The following CSGALNACT1 variants were observed in gnomAD, a reference collection of about 807,000 sequenced individuals.
CSGALNACT1 encodes the protein beta4GalNAcT-1.
CSGALNACT1 carries 52 observed loss-of-function variants against 51.0 expected under a neutral mutation model. That is an observed-to-expected ratio of 1.02 (90% CI 0.82 to 1.29). The LOEUF (loss-of-function observed/expected upper bound fraction) is 1.29, where lower values mean the gene tolerates loss of function less well. Ranked by LOEUF, CSGALNACT1 falls within the 50% of genes most tolerant of loss-of-function variation. CSGALNACT1 has a pLI of 0.00. For synonymous variants in CSGALNACT1, 341 were observed against 254.4 expected (o/e 1.34, Z -3.24); for missense variants, 935 against 679.2 (o/e 1.38, Z -4.19).
In CSGALNACT1 at chr8:19,505,223, G is replaced by T; in HGVS notation, c.612C>A (p.Tyr204Ter). The change falls in exon 4 of 10, where the codon TAC becomes TAA. Residue 204 changes from tyrosine (Y) to a stop codon, truncating the protein, a stop_gained. Transcript: ENST00000454498. LOFTEE classifies it high-confidence loss of function. ...AACCTTCTATGAAATCAGAGGCCGT[G>T]TAAGGACGGTGATTGGGGCTGTTCT... is the stretch of plus-strand genomic sequence containing the variant. The T allele has an allele frequency of 6.2e-7, 1 of 1,614,150 alleles. No homozygotes were observed. Among genetic ancestry groups the T allele is most frequent in the Non-Finnish European group, 8.5e-7 (1 of 1,180,026 alleles).
intron 1 of CSGALNACT1, among the ~76,000 whole-genome samples, chr8:19,649,081 TTC>T (rs1482158161): frequency 6.6e-6 from 1 of 152,230 alleles, no homozygotes; most frequent in Non-Finnish European, 1.5e-5. Context: ...GCCTACTGTA[TTC>T]TGTGTGCCAA....
intron 4 of CSGALNACT1, among the ~76,000 whole-genome samples, chr8:19,501,300 G>A (rs80269556): frequency 0.044 from 6,307 of 144,238 alleles, 165 homozygotes; most frequent in Middle Eastern, 0.08. Flanking sequence ...ATGCTACACA[G>A]AACCTCTCTT....
intron 4 of CSGALNACT1, among the ~76,000 whole-genome samples, chr8:19,478,779 G>C (rs1341508011): frequency 6.6e-6 from 1 of 152,156 alleles, no homozygotes; most frequent in Non-Finnish European, 1.5e-5. Context: ...TGTTGCCAAA[G>C]CCTAATGTGA....
At chr8:19,686,277 C>T (rs17481221), upstream of CSGALNACT1, among the ~76,000 whole-genome samples, 15,261 of 152,070 alleles carry the variant, frequency 0.1, 899 homozygotes, top group Non-Finnish European at 0.12. Flanking sequence ...TTGATAACAA[C>T]GGATGGACTG....
intron 3 of CSGALNACT1, among the ~76,000 whole-genome samples, chr8:19,547,190 T>G (rs1360122318): frequency 6.6e-6 from 1 of 152,142 alleles, no homozygotes; most frequent in East Asian, 1.9e-4. Context: ...CAGTGTTTTG[T>G]TAAAAGTCTG....
At chr8:19,412,277 C>G (rs933787296) in intron 8 of CSGALNACT1, among the ~76,000 whole-genome samples, 19 of 152,356 alleles carry the variant, frequency 1.2e-4, no homozygotes, top group East Asian at 3.9e-4. Flanking sequence ...CAGCCCTGCT[C>G]TCTCACAGGA....
intron 4 of CSGALNACT1, among the ~76,000 whole-genome samples, chr8:19,495,725 G>A (rs2153973916): frequency 6.6e-6 from 1 of 152,342 alleles, no homozygotes; most frequent in South Asian, 2.1e-4. Flanking sequence ...AAGAGAATGT[G>A]TAGCCTCCTC....
At chr8:19,635,300 T>G (rs1388501540) in intron 1 of CSGALNACT1, among the ~76,000 whole-genome samples, 1 of 152,308 alleles carries the variant, frequency 6.6e-6, no homozygotes, top group Middle Eastern at 3.4e-3. Flanking sequence ...AGGGATGTGT[T>G]TGAGCTGCTT....
chr8:19,513,511 C>T (rs1295483557), intron 3 of CSGALNACT1, among the ~76,000 whole-genome samples: 3 of 148,004 alleles, frequency 2.0e-5, no homozygotes, highest in Non-Finnish European at 3.0e-5. Context: ...ATACAACCAA[C>T]ACCTACAACT....
chr8:19,630,614 C>T (rs1051329787), intron 1 of CSGALNACT1, among the ~76,000 whole-genome samples: 9 of 152,168 alleles, frequency 5.9e-5, no homozygotes, highest in Admixed American at 4.6e-4. Context: ...CTCTAAACAT[C>T]CCCTGTTCTT....
At chr8:19,658,232 G>A (rs2058461565) in intron 1 of CSGALNACT1, among the ~76,000 whole-genome samples, 1 of 152,080 alleles carries the variant, frequency 6.6e-6, no homozygotes, top group Admixed American at 6.5e-5. Context: ...CACACAGCCA[G>A]GAGGTAGCTG....
chr8:19,746,040 C>T (rs537914161), intron 1 of CSGALNACT1, among the ~76,000 whole-genome samples: 15 of 152,116 alleles, frequency 9.9e-5, no homozygotes, highest in African/African-American at 3.6e-4. Flanking sequence ...TCTGGGAGAC[C>T]TGAGGGTTGG....
chr8:19,630,949 C>A (rs890265749), intron 1 of CSGALNACT1, among the ~76,000 whole-genome samples: 1 of 152,078 alleles, frequency 6.6e-6, no homozygotes, highest in African/African-American at 2.4e-5. Flanking sequence ...TTACAACTGA[C>A]GAGCCAATAT....
intron 6 of CSGALNACT1, among the ~76,000 whole-genome samples, chr8:19,438,866 A>T (rs1162579537): frequency 6.6e-6 from 1 of 152,234 alleles, no homozygotes; most frequent in Non-Finnish European, 1.5e-5. Flanking sequence ...AACAAAGCAT[A>T]AAAATAAAAA....
chr8:19,521,910 C>A (rs10107533), intron 3 of CSGALNACT1, among the ~76,000 whole-genome samples: 25,939 of 152,160 alleles, frequency 0.17, 2,289 homozygotes, highest in African/African-American at 0.19. Context: ...CCAATCCCTG[C>A]GTCGTGGTAA....
intron 3 of CSGALNACT1, among the ~76,000 whole-genome samples, chr8:19,509,537 G>A (rs138469920): frequency 4.8e-5 from 7 of 146,892 alleles, no homozygotes; most frequent in South Asian, 2.1e-4. Flanking sequence ...CACGAGAATC[G>A]CTTGAACCCG....
chr8:19,651,862 T>C (rs995749370), intron 1 of CSGALNACT1, among the ~76,000 whole-genome samples: 10 of 152,186 alleles, frequency 6.6e-5, no homozygotes, highest in African/African-American at 1.9e-4. Flanking sequence ...TTAACTAATT[T>C]ACATTTTTAC....
chr8:19,652,191 TC>T (rs1364465392), intron 1 of CSGALNACT1, among the ~76,000 whole-genome samples: 1 of 152,122 alleles, frequency 6.6e-6, no homozygotes, highest in Non-Finnish European at 1.5e-5. Flanking sequence ...GCTCAAGCAA[TC>T]CACCTGCCTA....
intron 3 of CSGALNACT1, among the ~76,000 whole-genome samples, chr8:19,514,494 T>TATATATATATATATATAC (rs2079107225): frequency 7.8e-6 from 1 of 128,578 alleles, no homozygotes; most frequent in Non-Finnish European, 1.6e-5. Flanking sequence ...TATATATATA[T>TATATATATATATATATAC]ATATATATAT....
Sources: gnomAD v4.1 joint callset for allele counts (sites outside exome capture counted in the v4.1 genomes callset) on GRCh38, gnomAD v4.1.1 for gene constraint, MANE v1.5 for transcripts, NCBI Gene and HGNC (gene_info 2026-07-23, HGNC 2026-07-21) for gene names.